Variants in SH3KBP1 observed in about 807,000 individuals in gnomAD.
SH3KBP1 encodes the protein SH3 domain-containing kinase-binding protein 1.
Under a neutral mutation model 50.1 loss-of-function variants are expected in SH3KBP1, and 8 were observed. The ratio of observed to expected loss-of-function variants is 0.16; its 90% CI spans 0.09 to 0.29. The LOEUF (loss-of-function observed/expected upper bound fraction) is 0.29. SH3KBP1 is among the 10% of genes least tolerant of loss of function. The pLI, the probability that SH3KBP1 is intolerant of heterozygous loss-of-function variation, is 1.00. For missense variants in SH3KBP1, 377 were observed against 535.2 expected (o/e 0.70, Z 2.92); for synonymous variants, 227 against 218.6 (o/e 1.04, Z -0.34).
intron 12 of SH3KBP1, among the ~76,000 whole-genome samples, chrX:19,583,136 T>TTA (rs1272161297): frequency 1.1e-4 from 7 of 65,349 alleles, no homozygotes; most frequent in Admixed American, 1.1e-3. Flanking sequence ...ATTATTATTA[T>TTA]TATTATTATT....
At position 19,820,651 on chromosome X, in the gene SH3KBP1, T is replaced by TA. The variant is rs753756169; in HGVS notation, c.162+15473dup. ...TATAGTTGAGTCAAGTTTTTTTTTT[T>TA]ATCTATCATCTCTGTTTTTTAATTG... is the stretch of plus-strand genomic sequence containing the variant. On this transcript the variant is annotated intron_variant, in intron 2 of 17. Transcript: ENST00000397821. Among the ~76,000 whole-genome samples, 38 of 111,581 alleles carry TA rather than the reference T, an allele frequency of 3.4e-4. No homozygotes were observed. The South Asian group carries it at 3.7e-3, about 11-fold the overall frequency.
intron 2 of SH3KBP1, among the ~76,000 whole-genome samples, chrX:19,785,547 A>C (rs777114906): frequency 1.8e-5 from 2 of 110,924 alleles, no homozygotes; most frequent in South Asian, 7.6e-4. Context: ...TATATTCTCA[A>C]ACTGCTCAGA....
At chrX:19,561,074 A>G (rs1006800401) in intron 13 of SH3KBP1, among the ~76,000 whole-genome samples, 1 of 92,534 alleles carries the variant, frequency 1.1e-5, no homozygotes, top group East Asian at 3.1e-4. Flanking sequence ...ACCCTGTCTA[A>G]AAAAAAAAAA....
intron 1 of SH3KBP1, among the ~76,000 whole-genome samples, chrX:19,863,255 T>C (rs2068822113): frequency 9.0e-6 from 1 of 111,068 alleles, no homozygotes; most frequent in African/African-American, 3.3e-5. Flanking sequence ...TGGAGTACAG[T>C]GACAGGATCA....
chrX:19,633,719 G>A (rs1278598346), intron 7 of SH3KBP1, among the ~76,000 whole-genome samples: 1 of 111,737 alleles, frequency 8.9e-6, no homozygotes, highest in African/African-American at 3.3e-5. Context: ...GAAAGAACAG[G>A]TCATGTTTCT....
At chrX:19,707,045 G>T in intron 3 of SH3KBP1, 61 bp from the exon 4 acceptor site, 3 of 984,956 alleles carry the variant, frequency 3.0e-6, no homozygotes, top group Non-Finnish European at 4.4e-6. Context: ...ATTTTAAAGA[G>T]AGGCTTCCTA....
At chrX:19,681,170 C>T (rs982279831) in intron 6 of SH3KBP1, among the ~76,000 whole-genome samples, 136 of 111,964 alleles carry the variant, frequency 1.2e-3, no homozygotes, top group Middle Eastern at 4.6e-3. Context: ...CAATAAGTTT[C>T]GATTTTGTAG....
At chrX:19,670,316 T>C in intron 6 of SH3KBP1, 1 of 749,551 alleles carries the variant, frequency 1.3e-6, no homozygotes, top group Non-Finnish European at 1.6e-6. Context: ...TACTCACAGC[T>C]GCTCCACTCA....
chrX:19,569,245 T>C, intron 12 of SH3KBP1, 57 bp from the exon 13 acceptor site: 2 of 1,041,433 alleles, frequency 1.9e-6, no homozygotes, highest in Non-Finnish European at 2.7e-6. Flanking sequence ...CTTGTCATTC[T>C]GTCAGTTTTC....
At chrX:19,633,046 AATGTGTTT>A (rs1334366124) in intron 7 of SH3KBP1, among the ~76,000 whole-genome samples, 10 of 111,880 alleles carry the variant, frequency 8.9e-5, no homozygotes, top group African/African-American at 3.3e-4. Flanking sequence ...ATATTACTGA[AATGTGTTT>A]ATTTATTTTG....
intron 2 of SH3KBP1, among the ~76,000 whole-genome samples, chrX:19,778,430 C>CAAAAA (rs374544534): frequency 2.1e-5 from 1 of 46,534 alleles, no homozygotes; most frequent in African/African-American, 7.6e-5. Context: ...GACTCCATCT[C>CAAAAA]AAAAAAAAAA....
At chrX:19,786,498 T>C (rs1244009877) in intron 2 of SH3KBP1, among the ~76,000 whole-genome samples, 2 of 112,533 alleles carry the variant, frequency 1.8e-5, no homozygotes, top group African/African-American at 3.2e-5. Context: ...AGTTTATCTC[T>C]AAGATATCTG....
intron 2 of SH3KBP1, among the ~76,000 whole-genome samples, chrX:19,806,438 C>G (rs1312456217): frequency 9.0e-6 from 1 of 111,263 alleles, no homozygotes; most frequent in African/African-American, 3.3e-5. Flanking sequence ...ATCGCTTGAA[C>G]CAGGGAAGCG....
Position 19,535,486 on chromosome X carries a change from A to T in SH3KBP1, c.*931T>A, listed in dbSNP as rs1272717654. The T allele has an allele frequency of 8.9e-6, 1 of 112,744 alleles. No individual in the cohort carries two copies. Among genetic ancestry groups the T allele is most frequent in the Non-Finnish European group, 1.9e-5 (1 of 53,487 alleles). 9.3% of individuals were successfully genotyped at this position (112,744 alleles called of 1,213,427 possible). Reference sequence around the variant, plus strand: ...TCACGCAAAAGGTGCAAAGGACAGAAAGCAGGGGTTTAACTTGGCTGATGA... The same window carrying T: ...TCACGCAAAAGGTGCAAAGGACAGATAGCAGGGGTTTAACTTGGCTGATGA... On this transcript the variant is annotated 3_prime_UTR_variant, in exon 18 of 18. Transcript: ENST00000397821.
At chrX:19,599,190 G>A (rs890936588) in intron 9 of SH3KBP1, among the ~76,000 whole-genome samples, 5 of 111,050 alleles carry the variant, frequency 4.5e-5, no homozygotes, top group Admixed American at 9.6e-5. Flanking sequence ...GCCTCCTTTC[G>A]CTGAGGCCAT....
At chrX:19,827,429 G>C (rs1479096361) in intron 2 of SH3KBP1, among the ~76,000 whole-genome samples, 14 of 111,875 alleles carry the variant, frequency 1.3e-4, no homozygotes, top group Non-Finnish European at 2.6e-4. Context: ...CCTGTGTCCT[G>C]TTGAACTTTA....
At chrX:19,749,505 C>A (rs1207721567) in intron 2 of SH3KBP1, among the ~76,000 whole-genome samples, 1 of 112,990 alleles carries the variant, frequency 8.9e-6, no homozygotes, top group East Asian at 2.8e-4. Flanking sequence ...AGTTCTGATA[C>A]ATGCTACAAC....
chrX:19,563,385 A>G (rs1029312048), intron 13 of SH3KBP1, among the ~76,000 whole-genome samples: 1 of 112,089 alleles, frequency 8.9e-6, no homozygotes, highest in African/African-American at 3.2e-5. Flanking sequence ...GAGGCTGGGA[A>G]CCAGGGGAGG....
At position 19,822,269 on chromosome X, in the gene SH3KBP1, C is replaced by T. The variant is rs187131098; in HGVS notation, c.162+13856G>A. On this transcript the variant is annotated intron_variant, in intron 2 of 17. Transcript: ENST00000397821. ...GTTCAATATTGTTTATTATCATAAC[C>T]TTCTTTTCTCCTTCTGGAATTCTGA... 2.7e-5 allele frequency among the ~76,000 whole-genome samples: 3 copies of T among 111,799 alleles called. No individual in the cohort carries two copies. The East Asian group carries it at 8.4e-4, about 31-fold the overall frequency.
Sources: allele counts gnomAD v4.1 joint callset (sites outside exome capture counted in the v4.1 genomes callset), GRCh38; gene constraint gnomAD v4.1.1; transcripts MANE v1.5; gene names NCBI Gene and HGNC (gene_info 2026-07-23, HGNC 2026-07-21).